NARS2: variants seen among roughly 807,000 people sequenced by gnomAD.
The protein encoded by NARS2 is asparaginyl-tRNA synthetase.
Under a neutral mutation model 62.9 loss-of-function variants are expected in NARS2, and 60 were observed. The observed-to-expected ratio is 0.95, with a 90% CI of 0.77 to 1.18. NARS2 has a LOEUF of 1.18. Ranked by LOEUF, NARS2 falls within the 50% of genes most tolerant of loss-of-function variation. The pLI, the probability that NARS2 is intolerant of heterozygous loss-of-function variation, is 0.00. For missense variants in NARS2, 619 were observed against 576.4 expected (o/e 1.07, Z -0.76); for synonymous variants, 196 against 200.0 (o/e 0.98, Z 0.17).
At chr11:78,473,340 C>G (rs1477858978) in intron 9 of NARS2, among the ~76,000 whole-genome samples, 1 of 152,154 alleles carries the variant, frequency 6.6e-6, no homozygotes, top group African/African-American at 2.4e-5. Context: ...ACTATTTTAT[C>G]AATCTATTGT....
chr11:78,485,397 T>TA (rs201268474), intron 7 of NARS2, among the ~76,000 whole-genome samples: 2,834 of 146,924 alleles, frequency 0.019, 93 homozygotes, highest in African/African-American at 0.068. Flanking sequence ...GAACTTAAAG[T>TA]AAAAAAAAAC....
At chr11:78,527,620 C>T (rs1861337755) in intron 6 of NARS2, among the ~76,000 whole-genome samples, 1 of 152,180 alleles carries the variant, frequency 6.6e-6, no homozygotes, top group African/African-American at 2.4e-5. Context: ...AATATGCAAA[C>T]TATTCTATTA....
intron 6 of NARS2, among the ~76,000 whole-genome samples, chr11:78,523,831 G>A (rs1326080496): frequency 1.3e-5 from 2 of 152,098 alleles, no homozygotes; most frequent in Non-Finnish European, 2.9e-5. Context: ...AGGATAGGGA[G>A]TGAATGCTAA....
intron 11 of NARS2, among the ~76,000 whole-genome samples, chr11:78,451,277 T>G (rs1388366583): frequency 6.6e-6 from 1 of 152,210 alleles, no homozygotes; most frequent in African/African-American, 2.4e-5. Flanking sequence ...CACTCTTTAG[T>G]TAGGATTGAA....
chr11:78,516,579 C>G (rs1036771407), intron 6 of NARS2, among the ~76,000 whole-genome samples: 6 of 152,186 alleles, frequency 3.9e-5, no homozygotes, highest in African/African-American at 1.4e-4. Context: ...GAAATTATAT[C>G]TGTCTTGTTC....
chr11:78,510,727 ATG>A (rs1860690724), intron 6 of NARS2, among the ~76,000 whole-genome samples: 1 of 152,218 alleles, frequency 6.6e-6, no homozygotes, highest in African/African-American at 2.4e-5. Context: ...AAAATTGTGA[ATG>A]TACTTAATGT....
intron 10 of NARS2, 48 bp downstream of exon 10, chr11:78,469,198 GA>G: frequency 7.9e-7 from 1 of 1,265,090 alleles, no homozygotes; most frequent in Admixed American, 1.7e-5. Flanking sequence ...CTAAAGACAA[GA>G]AGGAAGCATT....
intron 13 of NARS2, among the ~76,000 whole-genome samples, chr11:78,440,470 A>G (rs1251511033): frequency 1.1e-4 from 17 of 152,182 alleles, no homozygotes; most frequent in Admixed American, 1.0e-3. Flanking sequence ...CTAGGGAGTA[A>G]TAAGAAGGGT....
chr11:78,443,608 G>T, intron 12 of NARS2, 53 bp downstream of exon 12: 1 of 1,351,168 alleles, frequency 7.4e-7, no homozygotes, highest in South Asian at 1.2e-5. Flanking sequence ...GACCACCTTT[G>T]AGCGCCTTAT....
intron 11 of NARS2, among the ~76,000 whole-genome samples, chr11:78,446,079 C>A (rs1259074739): frequency 6.6e-6 from 1 of 152,068 alleles, no homozygotes; most frequent in African/African-American, 2.4e-5. Context: ...TTTCATGTAA[C>A]AAATGAAAAA....
chr11:78,473,038 C>T (rs111334773), intron 9 of NARS2, among the ~76,000 whole-genome samples: 1 of 152,204 alleles, frequency 6.6e-6, no homozygotes, highest in Non-Finnish European at 1.5e-5. Context: ...TGGTGGCCTG[C>T]ACCAGTTGTC....
At chr11:78,467,299 A>C (rs895146409) in intron 10 of NARS2, among the ~76,000 whole-genome samples, 1 of 152,178 alleles carries the variant, frequency 6.6e-6, no homozygotes, top group Non-Finnish European at 1.5e-5. Flanking sequence ...CTTTAATCCC[A>C]GCACCTTGGG....
chr11:78,541,462 C>T (rs1192579998), intron 5 of NARS2, among the ~76,000 whole-genome samples: 4 of 151,964 alleles, frequency 2.6e-5, no homozygotes, highest in African/African-American at 7.3e-5. Flanking sequence ...GCCCAGCTCT[C>T]GCATTTTTTA....
At chr11:78,483,235 T>C (rs143602706) in intron 7 of NARS2, among the ~76,000 whole-genome samples, 2,886 of 152,178 alleles carry the variant, frequency 0.019, 88 homozygotes, top group African/African-American at 0.066. Context: ...TGATGAAACA[T>C]ATCTCAAAAT....
chr11:78,453,092 T>C (rs1277394233), intron 11 of NARS2, among the ~76,000 whole-genome samples: 1 of 152,242 alleles, frequency 6.6e-6, no homozygotes, highest in African/African-American at 2.4e-5. Flanking sequence ...TGTGTTTCTG[T>C]GCATCGTTGG....
chr11:78,533,581 G>C (rs1861559287), intron 5 of NARS2, among the ~76,000 whole-genome samples: 1 of 152,138 alleles, frequency 6.6e-6, no homozygotes, highest in African/African-American at 2.4e-5. Context: ...GTTTATAAAA[G>C]ACTTTATGAG....
chr11:78,535,869 A>C (rs780213547), intron 5 of NARS2, among the ~76,000 whole-genome samples: 2 of 152,094 alleles, frequency 1.3e-5, no homozygotes, highest in Non-Finnish European at 2.9e-5. Flanking sequence ...CACCCACCTC[A>C]GCCTCTCAAA....
chr11:78,474,819 T>C (rs1236313887), intron 9 of NARS2, among the ~76,000 whole-genome samples: 1 of 152,238 alleles, frequency 6.6e-6, no homozygotes, highest in East Asian at 1.9e-4. Context: ...AAATATTTTA[T>C]GTATTTACAG....
chr11:78,524,065 A>G (rs779448043), intron 6 of NARS2, among the ~76,000 whole-genome samples: 1 of 152,090 alleles, frequency 6.6e-6, no homozygotes, highest in Admixed American at 6.5e-5. Flanking sequence ...AATTTCTAAT[A>G]AAGTTGATCT....
Sources: allele counts gnomAD v4.1 joint callset (sites outside exome capture counted in the v4.1 genomes callset), GRCh38; gene constraint gnomAD v4.1.1; transcripts MANE v1.5; gene names NCBI Gene and HGNC (gene_info 2026-07-23, HGNC 2026-07-21).